CSMD3: variants seen among roughly 807,000 people sequenced by gnomAD.
CSMD3 encodes the protein CUB and Sushi multiple domains 3, also known as CUB and sushi domain-containing protein 3.
Under a neutral mutation model 435.2 loss-of-function variants are expected in CSMD3, and 177 were observed. That is an observed-to-expected ratio of 0.41 (90% CI 0.36 to 0.46). CSMD3 has a LOEUF of 0.46. Among genes scored for constraint, CSMD3 ranks in the 20% least tolerant of loss-of-function variants. The probability of loss-of-function intolerance (pLI) is 0.34; values close to 1 mark genes in which losing one functional copy is unlikely to be tolerated. For missense variants in CSMD3, 4,265 were observed against 4,504.6 expected, an observed-to-expected ratio of 0.95 and a Z score of 1.52; for synonymous variants, 1,656 against 1,520.5, an observed-to-expected ratio of 1.09 and a Z score of -2.07.
intron 27 of CSMD3, among the ~76,000 whole-genome samples, chr8:112,544,900 T>C (rs1474159489): frequency 2.6e-5 from 4 of 152,184 alleles, no homozygotes; most frequent in African/African-American, 4.8e-5. Flanking sequence ...TAAAGGTCTA[T>C]TGCAAGATAA....
chr8:112,859,217 A>G lies in CSMD3; in HGVS notation c.1683T>C (p.Ser561=). 6.2e-7 allele frequency: 1 copy of G among 1,611,210 alleles called. No individual in the cohort carries two copies. Residue 561 remains serine, a synonymous_variant, in exon 11 of 71, where the codon TCT becomes TCC. Coordinates refer to ENST00000297405, the MANE Select transcript of CSMD3 (RefSeq NM_198123.2). ...NLQGPSGTFT[S]PNFPFQYDSN... ...TGTCATACTGGAACGGAAAGTTGGG[A>G]GATGTAAAGGTACCACTTGGTCCTT...
chr8:112,785,691 C>G (rs764524649), intron 13 of CSMD3, among the ~76,000 whole-genome samples: 2 of 151,224 alleles, frequency 1.3e-5, no homozygotes, highest in Non-Finnish European at 1.5e-5. Flanking sequence ...ATGATAGCTA[C>G]AAATAAAATA....
At chr8:112,815,200 A>G (rs892539158) in intron 12 of CSMD3, among the ~76,000 whole-genome samples, 24 of 152,150 alleles carry the variant, frequency 1.6e-4, no homozygotes, top group African/African-American at 5.8e-4. Context: ...CAAAATGTAT[A>G]AAGCATTATG....
chr8:112,678,423 G>A (rs1211041116), intron 16 of CSMD3, among the ~76,000 whole-genome samples: 1 of 152,130 alleles, frequency 6.6e-6, no homozygotes, highest in Non-Finnish European at 1.5e-5. Flanking sequence ...ACAAGATGAT[G>A]GCAGAATTAC....
At chr8:112,305,933 TA>T in intron 51 of CSMD3, 73 bp downstream of exon 51, 2 of 1,282,086 alleles carry the variant, frequency 1.6e-6, no homozygotes, top group Non-Finnish European at 2.3e-6. Context: ...TTTATAATTC[TA>T]AAATACATAA....
intron 31 of CSMD3, among the ~76,000 whole-genome samples, chr8:112,489,678 A>G (rs1045230733): frequency 1.3e-4 from 20 of 152,224 alleles, no homozygotes; most frequent in African/African-American, 4.8e-4. Flanking sequence ...GTCACGCAGA[A>G]ACTCAGACTT....
At chr8:113,303,037 T>C (rs376279503) in intron 2 of CSMD3, among the ~76,000 whole-genome samples, 19 of 93,356 alleles carry the variant, frequency 2.0e-4, no homozygotes, top group Non-Finnish European at 2.3e-4. Context: ...AAAATGTCCT[T>C]AAGCTGATAA....
chr8:112,282,738 A>T (rs16883360), intron 58 of CSMD3, among the ~76,000 whole-genome samples: 1 of 151,918 alleles, frequency 6.6e-6, no homozygotes, highest in African/African-American at 2.4e-5. Flanking sequence ...AAAATGAAAC[A>T]AGGTAAGTGC....
intron 6 of CSMD3, among the ~76,000 whole-genome samples, chr8:112,984,994 T>TGATAGATATAGATA (rs1554740292): frequency 7.4e-5 from 11 of 148,310 alleles, no homozygotes; most frequent in African/African-American, 2.7e-4. Context: ...TGATAGATTA[T>TGATAGATATAGATA]GATAGATAGA....
chr8:112,246,457 T>A (rs1220554778), intron 64 of CSMD3, among the ~76,000 whole-genome samples: 1 of 152,208 alleles, frequency 6.6e-6, no homozygotes, highest in African/African-American at 2.4e-5. Context: ...TTTCTAATTG[T>A]ATGTCAGAAA....
At chr8:112,255,220 T>C (rs769773751) in intron 62 of CSMD3, 34 bp downstream of exon 62, 7 of 1,548,998 alleles carry the variant, frequency 4.5e-6, no homozygotes, top group Non-Finnish European at 6.2e-6. Flanking sequence ...AATTACACAG[T>C]TACTGTGCAT....
chr8:112,726,156 C>T (rs1400038389), intron 13 of CSMD3, among the ~76,000 whole-genome samples: 2 of 151,880 alleles, frequency 1.3e-5, no homozygotes, highest in Non-Finnish European at 2.9e-5. Flanking sequence ...TGTGGGAAAC[C>T]AATCCTATGA....
chr8:112,748,023 T>C (rs1329779291), intron 13 of CSMD3, among the ~76,000 whole-genome samples: 1 of 151,086 alleles, frequency 6.6e-6, no homozygotes, highest in African/African-American at 2.4e-5. Context: ...GGGTCAAAGT[T>C]TTCTAGCTCT....
chr8:113,203,947 C>T (rs1033608659), intron 3 of CSMD3, among the ~76,000 whole-genome samples: 4 of 152,100 alleles, frequency 2.6e-5, no homozygotes, highest in African/African-American at 7.2e-5. Context: ...GGCTCCTTCA[C>T]TGGAGATTCA....
intron 22 of CSMD3, among the ~76,000 whole-genome samples, chr8:112,616,330 T>C (rs935378517): frequency 6.6e-6 from 1 of 152,132 alleles, no homozygotes; most frequent in Non-Finnish European, 1.5e-5. Context: ...GTGGTATTTT[T>C]ATTTTAAAGA....
intron 10 of CSMD3, among the ~76,000 whole-genome samples, chr8:112,908,903 T>C (rs149964451): frequency 0.014 from 2,049 of 151,674 alleles, 32 homozygotes; most frequent in Admixed American, 0.022. Flanking sequence ...AAATAAACTT[T>C]AGCTAGAAGA....
intron 6 of CSMD3, among the ~76,000 whole-genome samples, chr8:112,988,536 G>A (rs763210156): frequency 1.3e-4 from 19 of 151,966 alleles, no homozygotes; most frequent in Non-Finnish European, 2.5e-4. Flanking sequence ...CTGCTCAATA[G>A]TTACAAGACT....
intron 13 of CSMD3, among the ~76,000 whole-genome samples, chr8:112,785,023 C>T (rs950758762): frequency 1.3e-5 from 2 of 151,810 alleles, no homozygotes; most frequent in African/African-American, 2.4e-5. Flanking sequence ...ACAAAATACT[C>T]CCAAACCTAA....
chr8:112,927,448 G>A (rs2082947117), intron 9 of CSMD3, among the ~76,000 whole-genome samples: 1 of 152,014 alleles, frequency 6.6e-6, no homozygotes, highest in Admixed American at 6.6e-5. Context: ...ACCCCGCCTT[G>A]TCATTACTTG....
Sources: gnomAD v4.1 joint callset for allele counts (sites outside exome capture counted in the v4.1 genomes callset) on GRCh38, gnomAD v4.1.1 for gene constraint, MANE v1.5 for transcripts, NCBI Gene and HGNC (gene_info 2026-07-23, HGNC 2026-07-21) for gene names.